MSRB3: variants seen among roughly 807,000 people sequenced by gnomAD.
The protein encoded by MSRB3 is methionine sulfoxide reductase B3.
In MSRB3, 13 loss-of-function variants were observed where a neutral mutation model predicts 21.0. That is an observed-to-expected ratio of 0.62 (90% CI 0.40 to 0.98). MSRB3 has a LOEUF of 0.98. Ranked by LOEUF, MSRB3 falls within the 50% of genes least tolerant of loss-of-function variation. The probability of loss-of-function intolerance (pLI) is 0.00; values close to 1 mark genes in which losing one functional copy is unlikely to be tolerated. For missense variants in MSRB3, 199 were observed against 230.3 expected (o/e 0.86, Z 0.88); for synonymous variants, 87 against 88.6 (o/e 0.98, Z 0.10).
intron 1 of MSRB3, among the ~76,000 whole-genome samples, chr12:65,293,942 C>T (rs997140625): frequency 6.6e-6 from 1 of 152,168 alleles, no homozygotes; most frequent in African/African-American, 2.4e-5. Flanking sequence ...GGTTTACTTT[C>T]AGAGCTCTCC....
chr12:65,446,253 A>G (rs1882611920), intron 5 of MSRB3, among the ~76,000 whole-genome samples: 1 of 152,208 alleles, frequency 6.6e-6, no homozygotes, highest in Admixed American at 6.5e-5. Flanking sequence ...TAAGTAGGCA[A>G]TGAAGAGACC....
At chr12:65,338,218 G>A (rs541097324) in intron 4 of MSRB3, among the ~76,000 whole-genome samples, 1 of 152,114 alleles carries the variant, frequency 6.6e-6, no homozygotes, top group African/African-American at 2.4e-5. Flanking sequence ...TGATTTCTGT[G>A]GTGCAAATGC....
chr12:65,360,624 T>C (rs1177771317), intron 4 of MSRB3, among the ~76,000 whole-genome samples: 3 of 152,122 alleles, frequency 2.0e-5, no homozygotes, highest in African/African-American at 7.2e-5. Flanking sequence ...TCTTTCTTTA[T>C]TCCTGGGAAT....
At chr12:65,451,117 A>G (rs746844623) in intron 5 of MSRB3, among the ~76,000 whole-genome samples, 57 of 152,218 alleles carry the variant, frequency 3.7e-4, no homozygotes, top group Non-Finnish European at 8.1e-4. Context: ...AGTGAGTTAC[A>G]GTCTCCAGCG....
intron 2 of MSRB3, among the ~76,000 whole-genome samples, chr12:65,321,441 A>G (rs190317316): frequency 2.9e-4 from 44 of 152,288 alleles, no homozygotes; most frequent in Admixed American, 2.9e-3. Flanking sequence ...TAAACCCTGC[A>G]GCTCTAGTTT....
chr12:65,351,678 CA>C (rs1219878464), intron 4 of MSRB3, among the ~76,000 whole-genome samples: 2 of 148,922 alleles, frequency 1.3e-5, no homozygotes, highest in Non-Finnish European at 3.0e-5. Context: ...GAGAATACTA[CA>C]AACACCTCTA....
intron 5 of MSRB3, among the ~76,000 whole-genome samples, chr12:65,370,624 T>C (rs185877804): frequency 6.6e-5 from 10 of 152,334 alleles, no homozygotes; most frequent in Admixed American, 6.5e-4. Flanking sequence ...CAAATTAAAG[T>C]GTGCTGCTAA....
At chr12:65,299,906 G>A (rs1873208036) in intron 1 of MSRB3, among the ~76,000 whole-genome samples, 1 of 152,128 alleles carries the variant, frequency 6.6e-6, no homozygotes, top group Admixed American at 6.6e-5. Context: ...ATATTGTTAT[G>A]ACTATGTGCA....
At chr12:65,403,732 G>T in intron 5 of MSRB3, among the ~76,000 whole-genome samples, 1 of 152,194 alleles carries the variant, frequency 6.6e-6, no homozygotes, top group Middle Eastern at 3.2e-3. Context: ...GGCTCTGGTG[G>T]TGTAGGCACC....
intron 4 of MSRB3, among the ~76,000 whole-genome samples, chr12:65,362,476 G>A (rs1364194972): frequency 2.0e-5 from 3 of 152,120 alleles, no homozygotes; most frequent in Non-Finnish European, 4.4e-5. Flanking sequence ...CATCCCTGGG[G>A]AGTGCACATT....
chr12:65,416,935 G>A (rs1375559267), intron 5 of MSRB3, among the ~76,000 whole-genome samples: 2 of 152,028 alleles, frequency 1.3e-5, no homozygotes, highest in African/African-American at 4.8e-5. Context: ...AGTACATCTT[G>A]GTTTGTATTG....
At chr12:65,382,768 A>G (rs1363812598) in intron 5 of MSRB3, among the ~76,000 whole-genome samples, 1 of 151,708 alleles carries the variant, frequency 6.6e-6, no homozygotes, top group Non-Finnish European at 1.5e-5. Flanking sequence ...TTATTTTTTC[A>G]GGGTTGTAGA....
chr12:65,331,091 C>T (rs1264840618), intron 4 of MSRB3, among the ~76,000 whole-genome samples: 1 of 152,072 alleles, frequency 6.6e-6, no homozygotes, highest in Non-Finnish European at 1.5e-5. Context: ...GTCAAATCTA[C>T]ATTTTACGTA....
chr12:65,416,869 A>G (rs924679945), intron 5 of MSRB3, among the ~76,000 whole-genome samples: 3 of 152,136 alleles, frequency 2.0e-5, no homozygotes, highest in African/African-American at 7.2e-5. Flanking sequence ...TTCTATTGCC[A>G]ACTCGATAGT....
chr12:65,452,042 A>G (rs190657440), intron 5 of MSRB3, among the ~76,000 whole-genome samples: 52 of 152,352 alleles, frequency 3.4e-4, no homozygotes, highest in Admixed American at 3.0e-3. Flanking sequence ...GCAATGTAGC[A>G]TAAAGGAAAA....
chr12:65,335,054 C>T (rs920776996), intron 4 of MSRB3, among the ~76,000 whole-genome samples: 1 of 152,150 alleles, frequency 6.6e-6, no homozygotes, highest in African/African-American at 2.4e-5. Context: ...CACTGACTAA[C>T]AGCAGCTAGT....
At chr12:65,402,097 G>C (rs1009409776) in intron 5 of MSRB3, among the ~76,000 whole-genome samples, 1 of 152,128 alleles carries the variant, frequency 6.6e-6, no homozygotes, top group African/African-American at 2.4e-5. Context: ...TCTTGGGGTT[G>C]CTCTTCTCAA....
intron 5 of MSRB3, among the ~76,000 whole-genome samples, chr12:65,393,538 C>T (rs932157431): frequency 2.0e-5 from 3 of 146,840 alleles, no homozygotes; most frequent in African/African-American, 2.5e-5. Flanking sequence ...GGCTGAGGCA[C>T]GAGAATGGCG....
At chr12:65,341,948 T>A (rs1281371464) in intron 4 of MSRB3, among the ~76,000 whole-genome samples, 1 of 151,958 alleles carries the variant, frequency 6.6e-6, no homozygotes, top group African/African-American at 2.4e-5. Flanking sequence ...ATACTATGTT[T>A]CATTAAATCT....
Sources: gnomAD v4.1 joint callset for allele counts (sites outside exome capture counted in the v4.1 genomes callset) on GRCh38, gnomAD v4.1.1 for gene constraint, MANE v1.5 for transcripts, NCBI Gene and HGNC (gene_info 2026-07-23, HGNC 2026-07-21) for gene names.